Variants in PCCA observed in about 807,000 individuals in gnomAD.
The protein encoded by PCCA is propionyl-CoA carboxylase alpha chain, mitochondrial.
PCCA carries 74 observed loss-of-function variants against 101.3 expected under a neutral mutation model. The observed-to-expected ratio is 0.73, with a 90% CI of 0.61 to 0.89. The LOEUF is 0.89. PCCA is among the 40% of genes least tolerant of loss of function. The probability of loss-of-function intolerance (pLI) is 0.00; values close to 1 mark genes in which losing one functional copy is unlikely to be tolerated. For missense variants in PCCA, 891 were observed against 907.0 expected (o/e 0.98, Z 0.23); for synonymous variants, 294 against 313.6 (o/e 0.94, Z 0.66).
intron 11 of PCCA, among the ~76,000 whole-genome samples, chr13:100,270,586 A>G (rs1246175094): frequency 6.6e-6 from 1 of 151,578 alleles, no homozygotes; most frequent in African/African-American, 2.4e-5. Context: ...TTATTTAGAG[A>G]AAAAAAGGAA....
intron 1 of PCCA, among the ~76,000 whole-genome samples, chr13:100,100,014 G>C (rs2047130456): frequency 6.6e-6 from 1 of 152,090 alleles, no homozygotes; most frequent in African/African-American, 2.4e-5. Context: ...TAAGAAAGAA[G>C]GTGACAGTTA....
intron 19 of PCCA, among the ~76,000 whole-genome samples, chr13:100,412,052 A>G (rs1223822518): frequency 2.0e-5 from 3 of 152,236 alleles, no homozygotes; most frequent in Non-Finnish European, 4.4e-5. Flanking sequence ...CATAAAGGAC[A>G]TTATTAGGGC....
chr13:100,101,582 A>AT (rs2047282885), intron 1 of PCCA, among the ~76,000 whole-genome samples: 1 of 152,014 alleles, frequency 6.6e-6, no homozygotes, highest in African/African-American at 2.4e-5. Context: ...CAGAGATTAC[A>AT]TTTTTTAAAT....
intron 23 of PCCA, among the ~76,000 whole-genome samples, chr13:100,528,765 A>C (rs2088096712): frequency 6.6e-6 from 1 of 152,240 alleles, no homozygotes; most frequent in East Asian, 1.9e-4. Flanking sequence ...TTTCTAAATT[A>C]CTTCTTTAAA....
chr13:100,227,744 A>G (rs2060227417), intron 7 of PCCA, among the ~76,000 whole-genome samples: 1 of 152,212 alleles, frequency 6.6e-6, no homozygotes, highest in Non-Finnish European at 1.5e-5. Flanking sequence ...AGAATGGACC[A>G]CCAGGTAGTT....
chr13:100,347,504 CAG>C (rs1311669642), intron 18 of PCCA, among the ~76,000 whole-genome samples: 1 of 152,102 alleles, frequency 6.6e-6, no homozygotes, highest in Non-Finnish European at 1.5e-5. Flanking sequence ...TTGGGAAACA[CAG>C]AGTATGTTAT....
intron 1 of PCCA, among the ~76,000 whole-genome samples, chr13:100,094,262 G>T (rs1354774340): frequency 1.4e-5 from 2 of 146,672 alleles, no homozygotes; most frequent in Non-Finnish European, 3.0e-5. Flanking sequence ...ATTGGTGAAA[G>T]AATTTGAAAA....
chr13:100,325,161 AAAATCTT>A (rs1196688939), intron 16 of PCCA, among the ~76,000 whole-genome samples: 1 of 152,208 alleles, frequency 6.6e-6, no homozygotes, highest in African/African-American at 2.4e-5. Context: ...AGCAGGTGTG[AAAATCTT>A]GCACTTTTTT....
chr13:100,448,868 TCCA>T (rs2081026812), intron 20 of PCCA, among the ~76,000 whole-genome samples: 1 of 152,172 alleles, frequency 6.6e-6, no homozygotes, highest in African/African-American at 2.4e-5. Flanking sequence ...ACAGGGGTGT[TCCA>T]CCACCACCAC....
chr13:100,327,209 C>G (rs898943075), intron 16 of PCCA, among the ~76,000 whole-genome samples: 1 of 152,152 alleles, frequency 6.6e-6, no homozygotes, highest in Non-Finnish European at 1.5e-5. Context: ...TCCTTATGGT[C>G]TTTGACATTT....
At chr13:100,212,544 C>T (rs1288609756) in intron 7 of PCCA, among the ~76,000 whole-genome samples, 2 of 152,168 alleles carry the variant, frequency 1.3e-5, no homozygotes, top group East Asian at 3.8e-4. Context: ...AGATAGCTTT[C>T]TAATCCATTT....
intron 6 of PCCA, among the ~76,000 whole-genome samples, chr13:100,167,628 G>A (rs1217705181): frequency 6.6e-6 from 1 of 151,968 alleles, no homozygotes; most frequent in Admixed American, 6.5e-5. Flanking sequence ...CTTGTTTTTT[G>A]TTTTGTATTT....
At chr13:100,414,350 A>G (rs1258408705) in intron 19 of PCCA, among the ~76,000 whole-genome samples, 1 of 152,222 alleles carries the variant, frequency 6.6e-6, no homozygotes, top group Non-Finnish European at 1.5e-5. Flanking sequence ...CTGGGAGGTC[A>G]CTAGAGGTAT....
Position 100,309,945 on chromosome 13 carries a change from A to G in PCCA, c.1429+37A>G, listed in dbSNP as rs758964501. ...GATTTGCACTCGTTGGTTATTGTAT[A>G]TGGTGTCCAGTTCCAGAGAACAGCC... On this transcript the variant is annotated intron_variant, in intron 16 of 23. Transcript: ENST00000376285. 18 of 1,444,544 alleles carry G rather than the reference A, an allele frequency of 1.2e-5. 1 individual carries two copies. In the South Asian group the frequency reaches 2.1e-4, roughly 16 times the overall value. The allele number at this position is 1,444,544 out of a possible 1,614,324, so 89.5% of individuals were successfully genotyped here.
At chr13:100,506,301 C>T (rs1258448519) in intron 21 of PCCA, among the ~76,000 whole-genome samples, 1 of 148,724 alleles carries the variant, frequency 6.7e-6, no homozygotes, top group Non-Finnish European at 1.5e-5. Flanking sequence ...TGTGTCAGAA[C>T]TGTAAACCCC....
chr13:100,135,120 G>A (rs9557389), intron 4 of PCCA, among the ~76,000 whole-genome samples: 3,795 of 151,498 alleles, frequency 0.025, 65 homozygotes, highest in South Asian at 0.066. Flanking sequence ...TTGGCCAGGC[G>A]TGGTGGCTCG....
chr13:100,484,561 A>G (rs1245965091), intron 21 of PCCA, among the ~76,000 whole-genome samples: 2 of 152,234 alleles, frequency 1.3e-5, no homozygotes, highest in African/African-American at 4.8e-5. Context: ...GAAGTTACAG[A>G]AAGAGCATTA....
intron 6 of PCCA, among the ~76,000 whole-genome samples, chr13:100,179,700 CCTCTTCCCACAAT>C (rs565648814): frequency 0.18 from 26,784 of 151,978 alleles, 2,507 homozygotes; most frequent in Middle Eastern, 0.23. Context: ...GAAGGGTCAT[CCTCTTCCCACAAT>C]GGTTTATTTT....
At chr13:100,469,167 C>T (rs941060280) in intron 21 of PCCA, among the ~76,000 whole-genome samples, 4 of 137,698 alleles carry the variant, frequency 2.9e-5, no homozygotes, top group African/African-American at 5.4e-5. Flanking sequence ...GCAAAGATTG[C>T]GCCATTGCAC....
Sources: allele counts gnomAD v4.1 joint callset (sites outside exome capture counted in the v4.1 genomes callset), GRCh38; gene constraint gnomAD v4.1.1; transcripts MANE v1.5; gene names NCBI Gene and HGNC (gene_info 2026-07-23, HGNC 2026-07-21).